CAMKMT: variants seen among roughly 807,000 people sequenced by gnomAD.
The protein encoded by CAMKMT is calmodulin-lysine N-methyltransferase.
Under a neutral mutation model 48.0 loss-of-function variants are expected in CAMKMT, and 53 were observed. The ratio of observed to expected loss-of-function variants is 1.10; its 90% CI spans 0.89 to 1.39. The LOEUF (loss-of-function observed/expected upper bound fraction) is 1.39, where lower values mean the gene tolerates loss of function less well. Among genes scored for constraint, CAMKMT ranks in the 40% most tolerant of loss-of-function variants. CAMKMT has a pLI of 0.00. For synonymous variants in CAMKMT, 165 were observed against 152.3 expected (o/e 1.08, Z -0.61); for missense variants, 428 against 402.7 (o/e 1.06, Z -0.54).
At chr2:44,422,709 TA>T (rs1439254459) in intron 3 of CAMKMT, among the ~76,000 whole-genome samples, 1 of 151,872 alleles carries the variant, frequency 6.6e-6, no homozygotes, top group Non-Finnish European at 1.5e-5. Context: ...TTTTTTTTTT[TA>T]ATTTTCAAAC....
At chr2:44,408,837 G>A (rs1280066560) in intron 3 of CAMKMT, among the ~76,000 whole-genome samples, 2 of 151,686 alleles carry the variant, frequency 1.3e-5, no homozygotes, top group African/African-American at 4.8e-5. Flanking sequence ...AACTTTCTGG[G>A]CCCAAGCAAT....
chr2:44,554,145 G>A (rs958071420), intron 3 of CAMKMT, among the ~76,000 whole-genome samples: 6 of 152,142 alleles, frequency 3.9e-5, no homozygotes, highest in Non-Finnish European at 5.9e-5. Context: ...ATGTTCAGTC[G>A]GAGTTCCTGG....
chr2:44,389,855 G>T (rs1681151146), intron 2 of CAMKMT, among the ~76,000 whole-genome samples: 1 of 152,110 alleles, frequency 6.6e-6, no homozygotes, highest in Non-Finnish European at 1.5e-5. Flanking sequence ...TGCTGTTATA[G>T]AGTAAATTTA....
At chr2:44,535,511 T>G (rs1243570285) in intron 3 of CAMKMT, among the ~76,000 whole-genome samples, 1 of 152,108 alleles carries the variant, frequency 6.6e-6, no homozygotes, top group East Asian at 1.9e-4. Flanking sequence ...CAAACTGAAT[T>G]CTACAGCACA....
At chr2:44,763,738 G>C (rs1337120346) in intron 9 of CAMKMT, among the ~76,000 whole-genome samples, 1 of 152,204 alleles carries the variant, frequency 6.6e-6, no homozygotes. Flanking sequence ...TGTTTAGGCA[G>C]AGAGTGCTGT....
chr2:44,574,687 A>G (rs1669112026), intron 3 of CAMKMT, among the ~76,000 whole-genome samples: 1 of 151,960 alleles, frequency 6.6e-6, no homozygotes, highest in African/African-American at 2.4e-5. Context: ...TGATAATGAA[A>G]TGACATCATT....
chr2:44,383,406 G>A (rs933449116), intron 2 of CAMKMT, among the ~76,000 whole-genome samples: 7 of 152,002 alleles, frequency 4.6e-5, no homozygotes, highest in East Asian at 1.9e-4. Context: ...CTTGTGATCC[G>A]CCTGCCTCGG....
In CAMKMT at chr2:44,414,252, A is replaced by G. The variant is rs866600563; in HGVS notation, c.376+23947A>G. Among the ~76,000 whole-genome samples the G allele has an allele frequency of 7.9e-5, 12 of 152,328 alleles. 1 individual carries two copies. The Middle Eastern group carries it at 0.01, about 130-fold the overall frequency. ...CTATATAGCACATTGCCCCAAATTT[A>G]GCAGCTTAAAACAAATATTTATTAT... is the stretch of plus-strand genomic sequence containing the variant. On this transcript the variant is annotated intron_variant, in intron 3 of 10. Transcript: ENST00000378494.
At chr2:44,550,680 T>C (rs1214636094) in intron 3 of CAMKMT, 1 of 152,212 alleles carries the variant, frequency 6.6e-6, no homozygotes, top group Non-Finnish European at 1.5e-5. Flanking sequence ...CTATCCACTC[T>C]TTTCTGAACC....
chr2:44,470,063 C>CT (rs202217726), intron 3 of CAMKMT, among the ~76,000 whole-genome samples: 54 of 151,096 alleles, frequency 3.6e-4, no homozygotes, highest in Admixed American at 8.6e-4. Context: ...TTCCCTTTAT[C>CT]TTTTTTTTTC....
intron 10 of CAMKMT, among the ~76,000 whole-genome samples, chr2:44,768,361 A>ATTTTTTTTT (rs1553448674): frequency 3.5e-5 from 4 of 115,740 alleles, no homozygotes; most frequent in African/African-American, 1.1e-4. Flanking sequence ...ATATATATAT[A>ATTTTTTTTT]TTTTTTTTTT....
intron 3 of CAMKMT, among the ~76,000 whole-genome samples, chr2:44,394,526 C>G (rs1356799692): frequency 6.6e-6 from 1 of 151,956 alleles, no homozygotes; most frequent in East Asian, 1.9e-4. Flanking sequence ...CTCCCAGGTT[C>G]AAGTGATTCT....
rs1332664077 is a variant in CAMKMT, at chr2:44,618,381, C to T, written c.377-85902C>T. Among the ~76,000 whole-genome samples, 1 of 152,186 alleles carries T rather than the reference C, an allele frequency of 6.6e-6. No homozygotes were observed. Among genetic ancestry groups the T allele is most frequent in the Non-Finnish European group, 1.5e-5 (1 of 68,030 alleles). The stretch of plus-strand genomic sequence containing the variant: ...TGCTGGCCCTTGGAGATTAACTGAA[C>T]AGCCTTCCTACCAATTCCCAAGCCT... On this transcript the variant is annotated intron_variant, in intron 3 of 10. Coordinates refer to ENST00000378494, the MANE Select transcript of CAMKMT (RefSeq NM_024766.5). This position sits in a 1 kb window ranked among gnomAD's most constrained non-coding sequence, Gnocchi z 4.0.
At chr2:44,768,551 G>A (rs1247944324) in intron 10 of CAMKMT, among the ~76,000 whole-genome samples, 5 of 151,738 alleles carry the variant, frequency 3.3e-5, no homozygotes, top group South Asian at 4.2e-4. Context: ...GCAGTGAGCC[G>A]GGGGCCACGC....
At chr2:44,568,301 T>G (rs569030816) in intron 3 of CAMKMT, among the ~76,000 whole-genome samples, 23 of 152,314 alleles carry the variant, frequency 1.5e-4, no homozygotes, top group African/African-American at 5.3e-4. Context: ...CTCAAAAGTT[T>G]ATGTGTGTTG....
intron 3 of CAMKMT, among the ~76,000 whole-genome samples, chr2:44,612,277 T>TGTC (rs1671643477): frequency 6.6e-6 from 1 of 152,198 alleles, no homozygotes; most frequent in African/African-American, 2.4e-5. Flanking sequence ...CATATATTGC[T>TGTC]GTCTTAAAGG....
At chr2:44,440,574 A>G (rs1402783796) in intron 3 of CAMKMT, among the ~76,000 whole-genome samples, 2 of 152,302 alleles carry the variant, frequency 1.3e-5, no homozygotes, top group East Asian at 1.9e-4. Flanking sequence ...ATGAATTATG[A>G]TAAAATTTAA....
intron 3 of CAMKMT, among the ~76,000 whole-genome samples, chr2:44,683,847 A>T (rs1008185678): frequency 3.4e-5 from 5 of 148,662 alleles, no homozygotes; most frequent in Non-Finnish European, 6.0e-5. Flanking sequence ...AAAAAAAGAA[A>T]AAGAAAAAAG....
chr2:44,613,175 G>A (rs1671688600), intron 3 of CAMKMT, among the ~76,000 whole-genome samples: 1 of 152,176 alleles, frequency 6.6e-6, no homozygotes, highest in East Asian at 1.9e-4. Context: ...TAACTCTTAT[G>A]TTTGTTTTTT....
Sources: gnomAD v4.1 joint callset for allele counts (sites outside exome capture counted in the v4.1 genomes callset) on GRCh38, gnomAD v4.1.1 for gene constraint, Gnocchi (gnomAD v3.1) non-coding constraint, MANE v1.5 for transcripts, NCBI Gene and HGNC (gene_info 2026-07-23, HGNC 2026-07-21) for gene names.